The following WDR86 variants were observed in gnomAD, a reference collection of about 807,000 sequenced individuals.
The protein encoded by WDR86 is WD repeat-containing protein 86.
WDR86 carries 30 observed loss-of-function variants against 36.5 expected under a neutral mutation model. The ratio of observed to expected loss-of-function variants is 0.82; its 90% CI spans 0.61 to 1.11. The LOEUF (loss-of-function observed/expected upper bound fraction) is 1.11. Ranked by LOEUF, WDR86 falls within the 50% of genes most tolerant of loss-of-function variation. The probability of loss-of-function intolerance (pLI) is 0.00; values close to 1 mark genes in which losing one functional copy is unlikely to be tolerated. For synonymous variants in WDR86, 255 were observed against 252.9 expected (o/e 1.01, Z -0.08); for missense variants, 545 against 561.2 (o/e 0.97, Z 0.29).
rs866507438 is a variant in WDR86 at position 151,409,846 on chromosome 7, G to T, written c.-257C>A. The T allele has an allele frequency of 8.2e-7, 1 of 1,225,208 alleles. No individual in the cohort carries two copies. The highest frequency in any genetic ancestry group is 1.0e-6 in the Non-Finnish European group (1 of 984,374). The allele number at this position is 1,225,208 out of a possible 1,614,324, so 75.9% of individuals were successfully genotyped here. On this transcript the variant is annotated 5_prime_UTR_variant, in exon 1 of 6. Coordinates refer to ENST00000334493, the MANE Select transcript of WDR86 (RefSeq NM_198285.3). The surrounding 1 kb of genome is among the most constrained non-coding windows in gnomAD (Gnocchi z 5.2). ...CTCCGCCCTGGGTAGAGTCCTGGGC[G>T]CGCGGGCAGAGAGAACCCCCTTCCC...
At chr7:151,382,929 C>G (rs2150746778) in intron 4 of WDR86, among the ~76,000 whole-genome samples, 1 of 150,700 alleles carries the variant, frequency 6.6e-6, no homozygotes, top group African/African-American at 2.4e-5. Flanking sequence ...GGTAAGGGTG[C>G]TGGGCTACCT....
At chr7:151,391,902 G>A (rs1460172366) in intron 3 of WDR86, among the ~76,000 whole-genome samples, 1 of 152,112 alleles carries the variant, frequency 6.6e-6, no homozygotes. Context: ...TGGGCGATGG[G>A]GGCCTTTTTT....
At chr7:151,369,410 C>T in the WDR86 span, among the ~76,000 whole-genome samples, 1 of 152,196 alleles carries the variant, frequency 6.6e-6, no homozygotes, top group Non-Finnish European at 1.5e-5. Flanking sequence ...CTTTCTTTAA[C>T]ACCATAGTGT....
At chr7:151,373,882 C>G (rs1364753605), downstream of WDR86, among the ~76,000 whole-genome samples, 1 of 152,236 alleles carries the variant, frequency 6.6e-6, no homozygotes, top group African/African-American at 2.4e-5. Context: ...CTCACTTCCA[C>G]TGCCTGCCTC....
At chr7:151,387,597 C>T (rs937636918) in intron 3 of WDR86, among the ~76,000 whole-genome samples, 3 of 152,086 alleles carry the variant, frequency 2.0e-5, no homozygotes, top group African/African-American at 7.2e-5. Context: ...CGATGAGATC[C>T]AACCAAGCAG....
intron 3 of WDR86, among the ~76,000 whole-genome samples, chr7:151,387,583 C>G (rs1345946028): frequency 6.6e-6 from 1 of 151,980 alleles, no homozygotes; most frequent in Non-Finnish European, 1.5e-5. Flanking sequence ...GAGGAGTCTC[C>G]CAGCGATGAG....
At chr7:151,373,907 C>T (rs1054714037), downstream of WDR86, among the ~76,000 whole-genome samples, 8 of 152,124 alleles carry the variant, frequency 5.3e-5, no homozygotes, top group African/African-American at 1.5e-4. Flanking sequence ...GCAGCACTTC[C>T]ACCACCCCTC....
At chr7:151,370,015 T>C in the WDR86 span, among the ~76,000 whole-genome samples, 1 of 152,156 alleles carries the variant, frequency 6.6e-6, no homozygotes, top group African/African-American at 2.4e-5. Context: ...CTTTCTCTCT[T>C]GCCTAGTCCA....
At chr7:151,386,235 C>T (rs1343912450) in intron 3 of WDR86, among the ~76,000 whole-genome samples, 2 of 152,218 alleles carry the variant, frequency 1.3e-5, no homozygotes, top group African/African-American at 4.8e-5. Flanking sequence ...CCCTCACGAC[C>T]ACGCTCTGGG....
chr7:151,374,135 A>G, downstream of WDR86: 5 of 1,571,102 alleles, frequency 3.2e-6, no homozygotes, highest in Non-Finnish European at 4.3e-6. Flanking sequence ...AAGAGAAGAA[A>G]AGACGCCGCC....
At chr7:151,402,110 C>T (rs1365617151) in intron 1 of WDR86, among the ~76,000 whole-genome samples, 2 of 117,540 alleles carry the variant, frequency 1.7e-5, no homozygotes, top group African/African-American at 6.9e-5. Flanking sequence ...AATGTCCTTA[C>T]AAGAGAGAGG....
chr7:151,399,469 C>T (rs779179932), intron 2 of WDR86, among the ~76,000 whole-genome samples: 1 of 152,230 alleles, frequency 6.6e-6, no homozygotes, highest in Admixed American at 6.5e-5. Context: ...GTGCAGCTGC[C>T]AGGCCCAGGG....
chr7:151,369,011 CCTT>C, the WDR86 span: 1 of 1,145,712 alleles, frequency 8.7e-7, no homozygotes, highest in Non-Finnish European at 1.2e-6. Flanking sequence ...AGAAACTTGT[CCTT>C]TTTTTTTTCT....
chr7:151,384,104 C>T (rs1798804891), intron 4 of WDR86, among the ~76,000 whole-genome samples: 1 of 152,216 alleles, frequency 6.6e-6, no homozygotes, highest in African/African-American at 2.4e-5. Flanking sequence ...TACATTCTGT[C>T]TTCATCCAAC....
rs578214022 is a variant in WDR86, at chr7:151,405,025, T to C, written c.163+4402A>G. ...CAGGGATGGCACTGCTGACCTGGTT[T>C]GCTCCAGCCCTTGTAGCACAAGGGT... On this transcript the variant is annotated intron_variant, in intron 1 of 5. Coordinates refer to ENST00000334493, the MANE Select transcript of WDR86 (RefSeq NM_198285.3). This position sits in a 1 kb window ranked among gnomAD's most constrained non-coding sequence, Gnocchi z 4.7. Among the ~76,000 whole-genome samples the C allele has an allele frequency of 9.8e-5, 15 of 152,310 alleles. No individual in the cohort carries two copies. Among genetic ancestry groups the C allele is most frequent in the African/African-American group, 3.6e-4 (15 of 41,584 alleles).
intron 2 of WDR86, among the ~76,000 whole-genome samples, chr7:151,398,427 CAT>C (rs56274227): frequency 0.69 from 103,409 of 150,088 alleles, 35,728 homozygotes; most frequent in East Asian, 0.81. Flanking sequence ...CGTGTGTGCA[CAT>C]GTGTAAGTTG....
chr7:151,403,358 C>G (rs1180943845), intron 1 of WDR86, among the ~76,000 whole-genome samples: 1 of 152,176 alleles, frequency 6.6e-6, no homozygotes, highest in African/African-American at 2.4e-5. Context: ...ATTCAAACAT[C>G]CACACATTTG....
chr7:151,409,944 C>A lies in WDR86; in HGVS notation c.-355G>T. 1.9e-6 allele frequency: 2 copies of A among 1,042,606 alleles called. No individual in the cohort carries two copies. The highest frequency in any genetic ancestry group is 2.3e-6 in the Non-Finnish European group (2 of 867,770). 64.6% of individuals were successfully genotyped at this position (1,042,606 alleles called of 1,614,324 possible). On this transcript the variant is annotated 5_prime_UTR_variant, in exon 1 of 6. Coordinates refer to ENST00000334493, the MANE Select transcript of WDR86 (RefSeq NM_198285.3). This position sits in a 1 kb window ranked among gnomAD's most constrained non-coding sequence, Gnocchi z 5.2. ...CGTCTCTGGTGCACAAGGAGCCCCC[C>A]GCCTCCTCTCGCGCCCACGGGGCTG... is the stretch of plus-strand genomic sequence containing the variant.
At chr7:151,384,470 C>T (rs1798828142) in intron 4 of WDR86, among the ~76,000 whole-genome samples, 1 of 152,238 alleles carries the variant, frequency 6.6e-6, no homozygotes, top group Non-Finnish European at 1.5e-5. Context: ...CTCTCTCTGC[C>T]TGCCTAAAAC....
Sources: allele counts gnomAD v4.1 joint callset (sites outside exome capture counted in the v4.1 genomes callset), GRCh38; gene constraint gnomAD v4.1.1; non-coding constraint Gnocchi (gnomAD v3.1); transcripts MANE v1.5; gene names NCBI Gene and HGNC (gene_info 2026-07-23, HGNC 2026-07-21).